The following UBALD1 variants were observed in gnomAD, a reference collection of about 807,000 sequenced individuals.
The protein encoded by UBALD1 is UBA like domain containing 1.
UBALD1 carries 5 observed loss-of-function variants against 16.1 expected under a neutral mutation model. The ratio of observed to expected loss-of-function variants is 0.31; its 90% confidence interval spans 0.16 to 0.66. The LOEUF is 0.66. Among genes scored for constraint, UBALD1 ranks in the 30% least tolerant of loss-of-function variants. The probability of loss-of-function intolerance (pLI) is 0.77; values close to 1 mark genes in which losing one functional copy is unlikely to be tolerated. For synonymous variants in UBALD1, 146 were observed against 105.3 expected, an observed-to-expected ratio of 1.39 and a Z score of -2.37; for missense variants, 220 against 252.8, an observed-to-expected ratio of 0.87 and a Z score of 0.88.
intron 1 of UBALD1, 98 bp downstream of exon 1, chr16:4,614,580 A>G: frequency 7.8e-7 from 1 of 1,275,626 alleles, no homozygotes; most frequent in East Asian, 3.2e-5. Context: ...GGGGGCGCAC[A>G]GCCGGCACGC....
intron 1 of UBALD1, chr16:4,611,270 G>C (rs1392087058): frequency 6.6e-6 from 1 of 152,456 alleles, no homozygotes; most frequent in Non-Finnish European, 1.5e-5. Flanking sequence ...CTGGGCTTTA[G>C]GCTCACTCGC....
rs769424037 is a variant in UBALD1, at chr16:4,609,927, G to T, written c.240C>A (p.Thr80=). 1 of 1,599,456 alleles carries T rather than the reference G, an allele frequency of 6.3e-7. No homozygotes were observed. Among genetic ancestry groups the T allele is most frequent in the Non-Finnish European group, 8.5e-7 (1 of 1,172,636 alleles). The part of the protein sequence containing the change: ...ATPPNFPDAL[T]MFSRLKASES... Reference sequence around the variant, plus strand: ...CGGAGGCCTTGAGACGGGAGAACATGGTGAGAGCGTCAGGGAAGTTGGGGG... The same window carrying T: ...CGGAGGCCTTGAGACGGGAGAACATTGTGAGAGCGTCAGGGAAGTTGGGGG... The change falls in exon 3 of 3, where the codon ACC becomes ACA. Residue 80 remains threonine (T), a synonymous_variant. Coordinates refer to ENST00000283474, the MANE Select transcript of UBALD1 (RefSeq NM_145253.3).
chr16:4,611,032 C>T (rs978360651), intron 1 of UBALD1: 1 of 270,396 alleles, frequency 3.7e-6, no homozygotes, highest in Non-Finnish European at 6.9e-6. Flanking sequence ...TCCTCATCTG[C>T]GAAGCAAAAG....
chr16:4,610,438 A>C, intron 2 of UBALD1, 55 bp downstream of exon 2: 1 of 1,547,878 alleles, frequency 6.5e-7, no homozygotes, highest in African/African-American at 1.4e-5. Flanking sequence ...TATACACAGA[A>C]CTAGCTCGGC....
Position 4,614,853 on chromosome 16 carries a change from C to A in UBALD1, c.-56G>T. Reference sequence around the variant, plus strand: ...CTCCTCCGCCCGCGCCTCCGCCTCACGCGTCCACCATTAGCGAGCCGGCTC... The same window carrying A: ...CTCCTCCGCCCGCGCCTCCGCCTCAAGCGTCCACCATTAGCGAGCCGGCTC... On this transcript the variant is annotated 5_prime_UTR_variant, in exon 1 of 3. Transcript: ENST00000283474. 1 of 1,429,962 alleles carries A rather than the reference C, an allele frequency of 7.0e-7. No individual in the cohort carries two copies. The highest frequency in any genetic ancestry group is 9.2e-7 in the Non-Finnish European group (1 of 1,086,548). The allele number at this position is 1,429,962 out of a possible 1,614,324, so 88.6% of individuals were successfully genotyped here.
At chr16:4,614,653 C>G (rs1054597631) in intron 1 of UBALD1, 25 bp downstream of exon 1, 2 of 1,489,130 alleles carry the variant, frequency 1.3e-6, no homozygotes, top group Non-Finnish European at 1.8e-6. Context: ...GGCCCCGGCC[C>G]TCGCCCGGCT....
rs1897325029 is a variant in UBALD1, at chr16:4,609,174, G to A, written c.*459C>T. The A allele has an allele frequency of 6.4e-6, 1 of 156,090 alleles. No homozygotes were observed. Among genetic ancestry groups the A allele is most frequent in the South Asian group, 2.1e-4 (1 of 4,878 alleles). 9.7% of individuals were successfully genotyped at this position (156,090 alleles called of 1,614,324 possible). On this transcript the variant is annotated 3_prime_UTR_variant, in exon 3 of 3. Transcript: ENST00000283474. ...CCAGGAACTAGGTTGCTTCTGAAGA[G>A]CGACACACGTAGAAATACACAGACA...
chr16:4,613,056 G>A (rs895779164), intron 1 of UBALD1, among the ~76,000 whole-genome samples: 1 of 152,110 alleles, frequency 6.6e-6, no homozygotes, highest in African/African-American at 2.4e-5. Flanking sequence ...GAGTCCTGCA[G>A]GCAGGGCCCG....
At chr16:4,613,066 G>A (rs73515096) in intron 1 of UBALD1, among the ~76,000 whole-genome samples, 47 of 152,248 alleles carry the variant, frequency 3.1e-4, no homozygotes, top group African/African-American at 1.1e-3. Context: ...GGCAGGGCCC[G>A]CTTCCCACCG....
intron 1 of UBALD1, 41 bp from the exon 2 acceptor site, chr16:4,610,596 C>T (rs1456145724): frequency 1.3e-6 from 2 of 1,582,498 alleles, no homozygotes; most frequent in Non-Finnish European, 1.7e-6. Context: ...CAGGCCCCCG[C>T]CGGCCCTGCC....
At chr16:4,612,551 C>T (rs1031705565) in intron 1 of UBALD1, among the ~76,000 whole-genome samples, 4 of 152,068 alleles carry the variant, frequency 2.6e-5, no homozygotes, top group African/African-American at 9.7e-5. Context: ...AAATCCCAAC[C>T]CCAGGAGCCC....
intron 2 of UBALD1, 38 bp from the exon 3 acceptor site, chr16:4,610,021 C>T: frequency 6.7e-7 from 1 of 1,488,732 alleles, no homozygotes; most frequent in Non-Finnish European, 9.2e-7. Context: ...GTGAGCACCC[C>T]TTCCTGGAGG....
intron 1 of UBALD1, among the ~76,000 whole-genome samples, chr16:4,612,594 G>A (rs1897371811): frequency 6.6e-6 from 1 of 152,018 alleles, no homozygotes; most frequent in Non-Finnish European, 1.5e-5. Flanking sequence ...GCAGGCCGCT[G>A]TGAGCATTCT....
chr16:4,610,679 C>CA, intron 1 of UBALD1, 124 bp from the exon 2 acceptor site: 1 of 1,105,924 alleles, frequency 9.0e-7, no homozygotes, highest in Non-Finnish European at 1.3e-6. Context: ...AGGGGTGAGT[C>CA]GCGGTGCTGA....
rs745416204 is a variant in UBALD1 at position 4,609,844 on chromosome 16, G to A, written c.323C>T (p.Pro108Leu). 1.8e-5 allele frequency: 27 copies of A among 1,517,592 alleles called. No homozygotes were observed. Among genetic ancestry groups the A allele is most frequent in the South Asian group, 6.4e-5 (5 of 78,170 alleles). The allele number at this position is 1,517,592 out of a possible 1,614,324, so 94.0% of individuals were successfully genotyped here. ...GGTGGCGGCATGGGGGAAGTGTGGC[G>A]GGGGTGACGTGGCTGTCGCGGCCAT... Reference protein sequence around the residue: ...SPMAATATSPPPHFPHAATSS... With the variant: ...SPMAATATSPLPHFPHAATSS... Residue 108 changes from proline to leucine, a missense_variant, in exon 3 of 3, where the codon CCG becomes CTG. Coordinates refer to ENST00000283474, the MANE Select transcript of UBALD1 (RefSeq NM_145253.3).
rs1251762713 is a variant in UBALD1, at chr16:4,609,496, G to T, written c.*137C>A. The T allele has an allele frequency of 4.7e-6, 2 of 426,478 alleles. No homozygotes were observed. Among genetic ancestry groups the T allele is most frequent in the South Asian group, 1.0e-4 (1 of 9,702 alleles). 26.4% of individuals were successfully genotyped at this position (426,478 alleles called of 1,614,324 possible). A position where few individuals can be genotyped will look rare whatever the true frequency, so the allele number is the denominator to read the frequency against. On this transcript the variant is annotated 3_prime_UTR_variant, in exon 3 of 3. Transcript: ENST00000283474. ...CTGGCACCAGACGTGTCCCTGCCTG[G>T]CTAGAGTCCGCGCTCTCCCCTCCAG...
chr16:4,614,551 G>C, intron 1 of UBALD1, 127 bp downstream of exon 1: 3 of 1,311,120 alleles, frequency 2.3e-6, no homozygotes, highest in Non-Finnish European at 3.0e-6. Context: ...GGGAAAGCGG[G>C]TCGGGTCTGC....
At chr16:4,614,352 G>A (rs1036466181) in intron 1 of UBALD1, 13 of 366,020 alleles carry the variant, frequency 3.6e-5, no homozygotes, top group Non-Finnish European at 5.8e-5. Flanking sequence ...CCGCCCGCCC[G>A]ACTGTCCGTC....
rs773502844 is a variant in UBALD1 at position 4,610,514 on chromosome 16, G to A, written c.162C>T (p.Tyr54=). Reference sequence around the variant, plus strand: ...TTACCATCTGGTGGTGATGGTGGCTGTAGGGGATGTTGGTCTCCTGGAAAA... The same window carrying A: ...TTACCATCTGGTGGTGATGGTGGCTATAGGGGATGTTGGTCTCCTGGAAAA... ...SAFFQETNIP[Y]SHHHHQMMCT... The change falls in exon 2 of 3, where the codon TAC becomes TAT. Residue 54 remains tyrosine, a synonymous_variant. Coordinates refer to ENST00000283474, the MANE Select transcript of UBALD1 (RefSeq NM_145253.3). 19 of 1,611,412 alleles carry A rather than the reference G, an allele frequency of 1.2e-5. No homozygotes were observed. In the South Asian group the frequency reaches 1.9e-4, roughly 16 times the overall value.
Sources: gnomAD v4.1 joint callset for allele counts (sites outside exome capture counted in the v4.1 genomes callset) on GRCh38, gnomAD v4.1.1 for gene constraint, MANE v1.5 for transcripts, NCBI Gene and HGNC (gene_info 2026-07-23, HGNC 2026-07-21) for gene names.